Variants in HERC2 observed in about 807,000 individuals in gnomAD.
HERC2 encodes HECT and RLD domain containing E3 ubiquitin protein ligase 2.
In HERC2, 102 loss-of-function variants were observed where a neutral mutation model predicts 537.7. The observed-to-expected ratio is 0.19, with a 90% CI of 0.16 to 0.22. The LOEUF (loss-of-function observed/expected upper bound fraction) is 0.22. Ranked by LOEUF, HERC2 falls within the 10% of genes least tolerant of loss-of-function variation. The pLI is 1.00. For synonymous variants in HERC2, 2,224 were observed against 2,466.2 expected, an observed-to-expected ratio of 0.90 and a Z score of 2.91; for missense variants, 4,236 against 6,198.2, an observed-to-expected ratio of 0.68 and a Z score of 10.63.
At chr15:28,256,903 GTTTT>G (rs2075280589) in intron 17 of HERC2, among the ~76,000 whole-genome samples, 154 bp downstream of exon 17, 1 of 152,150 alleles carries the variant, frequency 6.6e-6, no homozygotes, top group Admixed American at 6.6e-5. Context: ...CCCAGATCAT[GTTTT>G]TTAAGACTCG....
At chr15:28,237,205 G>A (rs557544569) in intron 25 of HERC2, 92 bp from the exon 26 acceptor site, 67 of 1,238,396 alleles carry the variant, frequency 5.4e-5, no homozygotes, top group East Asian at 1.9e-4. Context: ...AGCTGTAACC[G>A]CACGTGAGCC....
At chr15:28,223,780 A>G (rs1900782968) in intron 35 of HERC2, among the ~76,000 whole-genome samples, 1 of 152,200 alleles carries the variant, frequency 6.6e-6, no homozygotes, top group African/African-American at 2.4e-5. Flanking sequence ...TACCCTGATC[A>G]GGGCAGGCCG....
At chr15:28,189,975 T>C (rs1473500357) in intron 55 of HERC2, among the ~76,000 whole-genome samples, 2 of 151,696 alleles carry the variant, frequency 1.3e-5, no homozygotes, top group African/African-American at 2.4e-5. Flanking sequence ...GACAACAGTA[T>C]ACATAGTACA....
rs376031242 is a variant in HERC2 at position 28,260,936 on chromosome 15, G to C, written c.2157C>G (p.Thr719=). The change falls in exon 16 of 93, where the codon ACC becomes ACG. Residue 719 remains threonine, a synonymous_variant. Transcript: ENST00000261609. The part of the protein sequence containing the change: ...KKVIDVAAGS[T]HCLALTEDSE... The stretch of plus-strand genomic sequence containing the variant: ...TGTCCTCAGTCAGAGCCAGGCAGTG[G>C]GTGGAGCCTGCAGCCACATCAATCA... 1.2e-6 allele frequency: 2 copies of C among 1,613,924 alleles called. No individual in the cohort carries two copies. Among genetic ancestry groups the C allele is most frequent in the South Asian group, 2.2e-5 (2 of 91,044 alleles).
chr15:28,259,747 G>C (rs985891919), intron 16 of HERC2, among the ~76,000 whole-genome samples: 7 of 151,296 alleles, frequency 4.6e-5, no homozygotes, highest in African/African-American at 1.7e-4. Context: ...TTGAGGTCAG[G>C]AGTTGGAGAC....
chr15:28,118,729 C>T (rs1442841563), intron 86 of HERC2, among the ~76,000 whole-genome samples: 1 of 152,190 alleles, frequency 6.6e-6, no homozygotes, highest in Admixed American at 6.5e-5. Flanking sequence ...GTGCAGCCTT[C>T]CTGGCTCCGT....
chr15:28,249,815 C>CTT (rs11340454), intron 20 of HERC2, among the ~76,000 whole-genome samples: 4 of 134,368 alleles, frequency 3.0e-5, no homozygotes, highest in African/African-American at 5.4e-5. Context: ...GCCAAGCTAA[C>CTT]TTTTTTTTTT....
rs181163721 is a variant in HERC2, at chr15:28,316,178, C to G, written c.72+5184G>C. ...GTGGAGGTTGCAGTGAGCTGAGATA[C>G]TGCTACTGTACTCCAACCTGGGCAA... On this transcript the variant is annotated intron_variant, in intron 2 of 92. Coordinates refer to ENST00000261609, the MANE Select transcript of HERC2 (RefSeq NM_004667.6). 226 of 202,820 alleles carry G rather than the reference C, an allele frequency of 1.1e-3. 2 individuals are homozygous for G. The highest frequency in any genetic ancestry group is 5.5e-3 in the African/African-American group (211 of 38,366). 12.6% of individuals were successfully genotyped at this position (202,820 alleles called of 1,614,324 possible). A position where few individuals can be genotyped will look rare whatever the true frequency, so the allele number is the denominator to read the frequency against.
intron 30 of HERC2, among the ~76,000 whole-genome samples, chr15:28,231,458 T>C (rs1901834892): frequency 6.6e-6 from 1 of 152,150 alleles, no homozygotes; most frequent in Non-Finnish European, 1.5e-5. Flanking sequence ...GGAGTCTGAG[T>C]GAGGTCAGTC....
intron 55 of HERC2, 62 bp from the exon 56 acceptor site, chr15:28,186,814 G>A (rs976605181): frequency 1.6e-6 from 2 of 1,228,756 alleles, no homozygotes; most frequent in East Asian, 4.7e-5. Flanking sequence ...TCCTCTAACT[G>A]GAGAACGGGA....
chr15:28,171,948 G>A (rs181123694), intron 65 of HERC2, among the ~76,000 whole-genome samples: 322 of 151,222 alleles, frequency 2.1e-3, no homozygotes, highest in African/African-American at 7.5e-3. Context: ...GGTGGCAGGT[G>A]CCTGTGGTCC....
intron 79 of HERC2, among the ~76,000 whole-genome samples, chr15:28,135,085 A>C (rs1359769965): frequency 7.9e-5 from 12 of 152,144 alleles, no homozygotes; most frequent in Admixed American, 7.2e-4. Context: ...AGTTTGGTTC[A>C]TTCTTTTACA....
intron 25 of HERC2, 42 bp from the exon 26 acceptor site, chr15:28,237,155 T>G: frequency 1.3e-6 from 2 of 1,514,678 alleles, no homozygotes; most frequent in Non-Finnish European, 1.8e-6. Flanking sequence ...GAAACAGAAT[T>G]AATTAAAAAC....
At chr15:28,117,457 A>C (rs889510552) in intron 86 of HERC2, 5 of 656,730 alleles carry the variant, frequency 7.6e-6, no homozygotes, top group Admixed American at 2.1e-5. Context: ...CCACGTCCAC[A>C]GCTGCGGCCC....
intron 86 of HERC2, chr15:28,118,308 C>T (rs1205135578): frequency 6.5e-6 from 1 of 152,950 alleles, no homozygotes; most frequent in East Asian, 1.9e-4. Context: ...TGCCTCTCCT[C>T]CATGACGACA....
intron 83 of HERC2, among the ~76,000 whole-genome samples, chr15:28,129,954 T>C (rs1383459010): frequency 1.3e-5 from 2 of 152,126 alleles, no homozygotes; most frequent in Admixed American, 1.3e-4. Flanking sequence ...TTTTGTATTT[T>C]TAGTAGAGAT....
intron 86 of HERC2, among the ~76,000 whole-genome samples, 184 bp downstream of exon 86, chr15:28,121,162 C>A (rs1224504203): frequency 6.6e-6 from 1 of 152,236 alleles, no homozygotes; most frequent in African/African-American, 2.4e-5. Flanking sequence ...AAGAAACACA[C>A]TGACATTCCT....
intron 2 of HERC2, among the ~76,000 whole-genome samples, chr15:28,308,069 T>C (rs2076841088): frequency 6.6e-6 from 1 of 152,206 alleles, no homozygotes; most frequent in Non-Finnish European, 1.5e-5. Flanking sequence ...TAGGATTTTT[T>C]TTTTTTCTGT....
chr15:28,144,581 G>T, intron 72 of HERC2, 92 bp downstream of exon 72: 1 of 1,548,246 alleles, frequency 6.5e-7, no homozygotes, highest in Non-Finnish European at 8.9e-7. Context: ...AGGCTGTCAG[G>T]CACTACGTGG....
Sources: gnomAD v4.1 joint callset for allele counts (sites outside exome capture counted in the v4.1 genomes callset) on GRCh38, gnomAD v4.1.1 for gene constraint, MANE v1.5 for transcripts, NCBI Gene and HGNC (gene_info 2026-07-23, HGNC 2026-07-21) for gene names.